Variants in LANCL3 observed in about 807,000 individuals in gnomAD.
LANCL3 encodes lanC-like protein 3.
LANCL3 carries 19 observed loss-of-function variants against 26.5 expected under a neutral mutation model. The ratio of observed to expected loss-of-function variants is 0.72; its 90% confidence interval spans 0.50 to 1.05. The LOEUF (loss-of-function observed/expected upper bound fraction) is 1.05, where lower values mean the gene tolerates loss of function less well. Ranked by LOEUF, LANCL3 falls within the 50% of genes least tolerant of loss-of-function variation. The probability of loss-of-function intolerance (pLI) is 0.00; values close to 1 mark genes in which losing one functional copy is unlikely to be tolerated. For synonymous variants in LANCL3, 160 were observed against 166.6 expected, an observed-to-expected ratio of 0.96 and a Z score of 0.30; for missense variants, 318 against 362.7, an observed-to-expected ratio of 0.88 and a Z score of 1.00.
At chrX:37,623,536 T>TCA (rs1925227510) in intron 1 of LANCL3, among the ~76,000 whole-genome samples, 1 of 112,539 alleles carries the variant, frequency 8.9e-6, no homozygotes, top group Non-Finnish European at 1.9e-5. Context: ...TAAAAAGTGA[T>TCA]TCTTTTAAAA....
chrX:37,605,654 T>G (rs782470670), intron 1 of LANCL3, among the ~76,000 whole-genome samples: 5 of 111,451 alleles, frequency 4.5e-5, no homozygotes, highest in African/African-American at 1.6e-4. Context: ...GAAACACAGG[T>G]ACACTCCCCA....
At position 37,659,590 on chromosome X, in the gene LANCL3, T is replaced by C. The variant is rs1556432139; in HGVS notation, c.826T>C (p.Trp276Arg). ...FLMEQEQNCN[W>R]PPELGETIER... ...CATGGAACAGGAACAAAACTGCAAC[T>C]GGCCACCTGAGCTCGGCGAGACCAT... The change falls in exon 3 of 5, where the codon TGG (tryptophan) becomes CGG (arginine). Residue 276 changes from tryptophan (W) to arginine (R), a missense_variant. Physicochemically the swap from Trp to Arg is moderately radical, Grantham distance 101 (BLOSUM62 -3). Transcript: ENST00000378619. 2 of 1,208,594 alleles carry C rather than the reference T, an allele frequency of 1.7e-6. No homozygotes were observed. The highest frequency in any genetic ancestry group is 3.0e-5 in the East Asian group (1 of 33,733).
At chrX:37,601,723 A>G (rs1260113099) in intron 1 of LANCL3, among the ~76,000 whole-genome samples, 3 of 111,862 alleles carry the variant, frequency 2.7e-5, no homozygotes, top group Non-Finnish European at 5.6e-5. Context: ...TACCATGTCT[A>G]TGTTCAAGGC....
At chrX:37,619,256 A>G (rs1427250791) in intron 1 of LANCL3, among the ~76,000 whole-genome samples, 2 of 112,123 alleles carry the variant, frequency 1.8e-5, no homozygotes, top group East Asian at 5.6e-4. Context: ...TACCTTGTAT[A>G]GCACTTTCGC....
rs77512477 is a variant in LANCL3, at chrX:37,671,405, A to C, written c.1103+3916A>C. On this transcript the variant is annotated intron_variant, in intron 4 of 4. Transcript: ENST00000378619. ...CACTTCTTATAATGTTTATCATTAT[A>C]AACATTAGATTATAAGTGTTAGATT... is the stretch of plus-strand genomic sequence containing the variant. Among the ~76,000 whole-genome samples the C allele has an allele frequency of 4.4e-3, 496 of 111,784 alleles. 11 individuals carry two copies. The East Asian group carries it at 0.1, about 22-fold the overall frequency.
intron 1 of LANCL3, among the ~76,000 whole-genome samples, chrX:37,641,469 A>G (rs1340359254): frequency 9.0e-6 from 1 of 110,528 alleles, no homozygotes; most frequent in Non-Finnish European, 1.9e-5. Context: ...TTCATGTTAT[A>G]CACAGAAAAG....
rs199692515 is a variant in LANCL3, at chrX:37,659,510, A to G, written c.746A>G (p.His249Arg). 3.3e-6 allele frequency: 4 copies of G among 1,210,553 alleles called. No homozygotes were observed. Among genetic ancestry groups the G allele is most frequent in the Non-Finnish European group, 3.4e-6 (3 of 894,960 alleles). ...SSILQMLLSY[H>R]EHLKPSDREL... is the part of the protein sequence containing the mutation. Reference sequence around the variant, plus strand: ...ATTCTTCAGATGCTTCTTTCTTACCATGAGCATCTCAAGCCCTCAGATCGG... The same window carrying G: ...ATTCTTCAGATGCTTCTTTCTTACCGTGAGCATCTCAAGCCCTCAGATCGG... The change falls in exon 3 of 5, where the codon CAT (histidine) becomes CGT (arginine). Residue 249 changes from histidine to arginine, a missense_variant. Transcript: ENST00000378619.
intron 1 of LANCL3, among the ~76,000 whole-genome samples, chrX:37,625,842 A>G (rs1449652978): frequency 9.0e-6 from 1 of 111,593 alleles, no homozygotes; most frequent in African/African-American, 3.3e-5. Context: ...CAAAATCTCA[A>G]TGGTTTTCAA....
Position 37,661,011 on chromosome X carries a change from G to GA in LANCL3, c.895+1352_895+1353insA, listed in dbSNP as rs148202344. On this transcript the variant is annotated intron_variant, in intron 3 of 4. Coordinates refer to ENST00000378619, the MANE Select transcript of LANCL3 (RefSeq NM_001170331.2). ...TAATTTGACCTTTTTTGTGGGCGGG[G>GA]GGGGAACAAGTTATTTACCATGCTG... 1.1e-3 allele frequency among the ~76,000 whole-genome samples: 117 copies of GA among 106,000 alleles called. 5 individuals carry two copies. The highest frequency in any genetic ancestry group is 4.0e-3 in the African/African-American group (108 of 27,178). The allele number at this position is 106,000 out of a possible 115,157, so 92.0% of individuals were successfully genotyped here.
chrX:37,606,686 G>A (rs1372661147), intron 1 of LANCL3, among the ~76,000 whole-genome samples: 3 of 111,410 alleles, frequency 2.7e-5, no homozygotes, highest in African/African-American at 9.8e-5. Flanking sequence ...TTACCCCCAC[G>A]AGGCTTTACC....
chrX:37,605,914 A>G, intron 1 of LANCL3, among the ~76,000 whole-genome samples: 1 of 111,323 alleles, frequency 9.0e-6, no homozygotes, highest in African/African-American at 3.3e-5. Flanking sequence ...TTATAATATA[A>G]ATTTTGTATT....
At chrX:37,628,162 A>G (rs1389750045) in intron 1 of LANCL3, among the ~76,000 whole-genome samples, 2 of 111,608 alleles carry the variant, frequency 1.8e-5, no homozygotes, top group African/African-American at 6.5e-5. Context: ...CATAATTTTA[A>G]AAGAGGGGGC....
intron 1 of LANCL3, among the ~76,000 whole-genome samples, chrX:37,591,297 G>A (rs1313928039): frequency 8.9e-6 from 1 of 111,929 alleles, no homozygotes; most frequent in Non-Finnish European, 1.9e-5. Flanking sequence ...ACCCCAAGAT[G>A]TTTGGAAGAA....
intron 1 of LANCL3, among the ~76,000 whole-genome samples, chrX:37,642,040 C>T (rs1481256205): frequency 9.0e-6 from 1 of 111,703 alleles, no homozygotes; most frequent in African/African-American, 3.3e-5. Flanking sequence ...GGAGGTCACC[C>T]AGGGCAATGG....
chrX:37,605,303 A>T (rs1924678985), intron 1 of LANCL3, among the ~76,000 whole-genome samples: 1 of 112,040 alleles, frequency 8.9e-6, no homozygotes, highest in Admixed American at 9.4e-5. Flanking sequence ...ATGCAACCCC[A>T]TTATTAAGCT....
chrX:37,629,469 A>C (rs1244469590), intron 1 of LANCL3, among the ~76,000 whole-genome samples: 2 of 108,750 alleles, frequency 1.8e-5, no homozygotes, highest in African/African-American at 6.8e-5. Context: ...CCCATTTGTC[A>C]ATTTTGGCTT....
chrX:37,655,818 G>T lies in LANCL3; in HGVS notation c.697+7G>T. 1 of 1,203,415 alleles carries T rather than the reference G, an allele frequency of 8.3e-7. No individual in the cohort carries two copies. The highest frequency in any genetic ancestry group is 1.1e-6 in the Non-Finnish European group (1 of 889,767). Reference sequence around the variant, plus strand: ...TATGGAACCGAATACTTGGGTAAGTGAAGGTGTTTGCATGGGCCTGTAGGA... The same window carrying T: ...TATGGAACCGAATACTTGGGTAAGTTAAGGTGTTTGCATGGGCCTGTAGGA... On this transcript the variant is annotated splice_region_variant and intron_variant, in intron 2 of 4. Coordinates refer to ENST00000378619, the MANE Select transcript of LANCL3 (RefSeq NM_001170331.2).
At chrX:37,629,003 G>T (rs1228167832) in intron 1 of LANCL3, among the ~76,000 whole-genome samples, 1 of 108,560 alleles carries the variant, frequency 9.2e-6, no homozygotes, top group Non-Finnish European at 1.9e-5. Flanking sequence ...TCTAGTTCTA[G>T]ATCCCTGAGG....
At chrX:37,657,909 A>C in intron 2 of LANCL3, among the ~76,000 whole-genome samples, 1 of 111,788 alleles carries the variant, frequency 8.9e-6, no homozygotes, top group Non-Finnish European at 1.9e-5. Context: ...CTGAATGCAA[A>C]AAGAAAGCTT....
Sources: gnomAD v4.1 joint callset for allele counts (sites outside exome capture counted in the v4.1 genomes callset) on GRCh38, gnomAD v4.1.1 for gene constraint, MANE v1.5 for transcripts, NCBI Gene and HGNC (gene_info 2026-07-23, HGNC 2026-07-21) for gene names.